EPM2A: variants seen among roughly 807,000 people sequenced by gnomAD.
The protein encoded by EPM2A is EPM2A glucan phosphatase, laforin, also known as laforin.
EPM2A carries 21 observed loss-of-function variants against 26.5 expected under a neutral mutation model. That is an observed-to-expected ratio of 0.79 (90% CI 0.56 to 1.14). EPM2A has a LOEUF of 1.14. EPM2A is among the 50% of genes most tolerant of loss of function. The pLI, the probability that EPM2A is intolerant of heterozygous loss-of-function variation, is 0.00. For synonymous variants in EPM2A, 217 were observed against 177.6 expected (o/e 1.22, Z -1.76); for missense variants, 458 against 440.8 (o/e 1.04, Z -0.35).
At chr6:145,680,643 T>TCACAGAAAACA (rs1271954311) in intron 2 of EPM2A, among the ~76,000 whole-genome samples, 161 of 142,970 alleles carry the variant, frequency 1.1e-3, no homozygotes, top group Non-Finnish European at 1.7e-3. Flanking sequence ...CATGTGGTGT[T>TCACAGAAAACA]TGGTTTTTTG....
At chr6:145,499,295 T>C (rs759309008), downstream of EPM2A, among the ~76,000 whole-genome samples, 17 of 152,356 alleles carry the variant, frequency 1.1e-4, no homozygotes, top group East Asian at 1.7e-3. Flanking sequence ...GTTGATATTT[T>C]TTAGAATCAA....
chr6:145,597,859 A>G (rs1159251535), intron 2 of EPM2A, among the ~76,000 whole-genome samples: 3 of 152,202 alleles, frequency 2.0e-5, no homozygotes, highest in African/African-American at 7.2e-5. Context: ...TTTGTTAAGG[A>G]TAATTGCCTC....
At chr6:145,517,404 G>A (rs1267899304) in intron 2 of EPM2A, among the ~76,000 whole-genome samples, 1 of 152,020 alleles carries the variant, frequency 6.6e-6, no homozygotes, top group African/African-American at 2.4e-5. Context: ...CAAACAAAAA[G>A]GGTCACCTCA....
At chr6:145,510,571 C>G (rs923650198) in intron 2 of EPM2A, among the ~76,000 whole-genome samples, 5 of 152,074 alleles carry the variant, frequency 3.3e-5, no homozygotes, top group African/African-American at 1.2e-4. Flanking sequence ...ATACCAAAAC[C>G]TCTGGGACAC....
intron 2 of EPM2A, among the ~76,000 whole-genome samples, chr6:145,680,389 T>TTTA (rs1225476988): frequency 4.4e-4 from 66 of 149,934 alleles, no homozygotes; most frequent in Admixed American, 7.3e-4. Context: ...ATTTATTTTA[T>TTTA]TTTATTTTAT....
At chr6:145,681,491 GCCTA>G (rs1780530709) in intron 2 of EPM2A, among the ~76,000 whole-genome samples, 2 of 149,460 alleles carry the variant, frequency 1.3e-5, no homozygotes, top group Admixed American at 6.7e-5. Flanking sequence ...GAATGGTAAT[GCCTA>G]GGTTTTCTTC....
chr6:145,497,584 T>G (rs1779837678), downstream of EPM2A, among the ~76,000 whole-genome samples: 1 of 47,552 alleles, frequency 2.1e-5, no homozygotes, highest in Non-Finnish European at 4.9e-5. Flanking sequence ...GCTGTGCTGT[T>G]GTATTGCTTC....
At chr6:145,631,144 C>T (rs529999456) in intron 3 of EPM2A, 4 of 151,916 alleles carry the variant, frequency 2.6e-5, no homozygotes, top group Non-Finnish European at 5.9e-5. Flanking sequence ...GGAGCCCTCT[C>T]AAGAGGACCA....
intron 2 of EPM2A, among the ~76,000 whole-genome samples, chr6:145,683,045 A>G (rs1026928645): frequency 3.3e-5 from 5 of 152,200 alleles, no homozygotes; most frequent in Non-Finnish European, 7.3e-5. Context: ...CAATTTAATA[A>G]TGAAATATAA....
At chr6:145,668,349 C>T (rs1779388465) in intron 2 of EPM2A, among the ~76,000 whole-genome samples, 1 of 151,808 alleles carries the variant, frequency 6.6e-6, no homozygotes, top group Non-Finnish European at 1.5e-5. Context: ...AACTACAAGG[C>T]AAATGACTGA....
intron 4 of EPM2A, among the ~76,000 whole-genome samples, chr6:145,455,208 A>G (rs1009949443): frequency 2.6e-5 from 4 of 152,072 alleles, no homozygotes; most frequent in African/African-American, 9.7e-5. Flanking sequence ...TTCCCCTCAA[A>G]ATCAATATAT....
intron 2 of EPM2A, chr6:145,641,353 A>C (rs551062228): frequency 1.4e-4 from 21 of 152,362 alleles, no homozygotes; most frequent in African/African-American, 4.6e-4. Context: ...ACAGACACAG[A>C]GGGAAGACAA....
At chr6:145,431,734 T>C (rs558781275) in intron 4 of EPM2A, among the ~76,000 whole-genome samples, 231 of 152,328 alleles carry the variant, frequency 1.5e-3, no homozygotes, top group African/African-American at 5.1e-3. Context: ...CAGTAATTTC[T>C]TAAAATAAGA....
intron 4 of EPM2A, among the ~76,000 whole-genome samples, chr6:145,453,820 C>T (rs1220313650): frequency 6.6e-6 from 1 of 152,154 alleles, no homozygotes; most frequent in Non-Finnish European, 1.5e-5. Context: ...TGCTCTTTTC[C>T]TATAAAAAGC....
chr6:145,415,006 C>T (rs1431478468), intron 4 of EPM2A, among the ~76,000 whole-genome samples: 1 of 152,204 alleles, frequency 6.6e-6, no homozygotes, highest in Non-Finnish European at 1.5e-5. Flanking sequence ...TTCTTGTTCA[C>T]TCTACCTGTG....
upstream of EPM2A, chr6:145,735,607 G>C (rs1368719046): frequency 5.6e-6 from 6 of 1,080,802 alleles, no homozygotes; most frequent in Non-Finnish European, 5.6e-6. Flanking sequence ...GGAGCCCCGG[G>C]CACCGGGGAG....
At chr6:145,680,090 T>C (rs887834313) in intron 2 of EPM2A, 2 of 152,030 alleles carry the variant, frequency 1.3e-5, no homozygotes, top group African/African-American at 2.4e-5. Context: ...TACCTGAAGT[T>C]AAGTAGCAAA....
At chr6:145,444,304 T>A (rs1377222857) in intron 4 of EPM2A, among the ~76,000 whole-genome samples, 1 of 152,218 alleles carries the variant, frequency 6.6e-6, no homozygotes, top group African/African-American at 2.4e-5. Flanking sequence ...GGATTTTCAA[T>A]GTAAAGGAAC....
chr6:145,405,981 T>TACACACACACACAC (rs56700058), intron 4 of EPM2A, among the ~76,000 whole-genome samples: 73 of 146,604 alleles, frequency 5.0e-4, no homozygotes, highest in African/African-American at 1.6e-3. Context: ...TGGAGATACC[T>TACACACACACACAC]ACACACACAC....
Sources: gnomAD v4.1 joint callset for allele counts (sites outside exome capture counted in the v4.1 genomes callset) on GRCh38, gnomAD v4.1.1 for gene constraint, MANE v1.5 for transcripts, NCBI Gene and HGNC (gene_info 2026-07-23, HGNC 2026-07-21) for gene names.